MGST1: variants seen among roughly 807,000 people sequenced by gnomAD.
MGST1 encodes microsomal glutathione S-transferase 1, also known as glutathione S-transferase 12.
A neutral mutation model predicts 8.9 loss-of-function variants in MGST1; 5 were observed. That is an observed-to-expected ratio of 0.56 (90% CI 0.29 to 1.19). The LOEUF (loss-of-function observed/expected upper bound fraction) is 1.19. Among genes scored for constraint, MGST1 ranks in the 50% most tolerant of loss-of-function variants. The pLI is 0.08. For synonymous variants in MGST1, 54 were observed against 67.8 expected, an observed-to-expected ratio of 0.80 and a Z score of 1.00; for missense variants, 182 against 187.4, an observed-to-expected ratio of 0.97 and a Z score of 0.17.
chr12:16,406,257 C>G (rs915514994), intron 1 of MGST1, among the ~76,000 whole-genome samples: 1 of 152,022 alleles, frequency 6.6e-6, no homozygotes, highest in East Asian at 1.9e-4. Context: ...ACTAGCATTC[C>G]TATAAACCAA....
chr12:16,354,625 G>T, intron 2 of MGST1: 1 of 275,684 alleles, frequency 3.6e-6, no homozygotes, highest in Non-Finnish European at 6.7e-6. Context: ...CTAAGCAGAT[G>T]AGATATTCTG....
At chr12:16,564,732 G>A (rs1591783544) in intron 4 of MGST1, among the ~76,000 whole-genome samples, 1 of 152,270 alleles carries the variant, frequency 6.6e-6, no homozygotes, top group Middle Eastern at 3.4e-3. Flanking sequence ...TTAATTCTGA[G>A]TAAAGATCAG....
rs905116589 is a variant in MGST1 at position 16,560,094 on chromosome 12, A to C, written n.483-29434A>C. Among the ~76,000 whole-genome samples, 1 of 152,230 alleles carries C rather than the reference A, an allele frequency of 6.6e-6. No homozygotes were observed. Among genetic ancestry groups the C allele is most frequent in the Non-Finnish European group, 1.5e-5 (1 of 68,034 alleles). The stretch of plus-strand genomic sequence containing the variant: ...TATTTACTCACATAAGTAGTATAAA[A>C]AAGTAGATATTTAAAACTACTTTTA... On this transcript the variant is annotated intron_variant and non_coding_transcript_variant, in intron 4 of 4. Coordinates refer to the MGST1 transcript ENST00000538857. This position sits in a 1 kb window ranked among gnomAD's most constrained non-coding sequence, Gnocchi z 5.0.
At position 16,551,244 on chromosome 12, in the gene MGST1, C is replaced by A; in HGVS notation, n.483-38284C>A. The stretch of plus-strand genomic sequence containing the variant: ...AGATCAGCGAACCTGGGGTGCATAA[C>A]CTTCTTTCATTAAACCTTCCTCGTA... On this transcript the variant is annotated intron_variant and non_coding_transcript_variant, in intron 4 of 4. Coordinates refer to the MGST1 transcript ENST00000538857. 2 of 1,611,182 alleles carry A rather than the reference C, an allele frequency of 1.2e-6. No homozygotes were observed. Among genetic ancestry groups the A allele is most frequent in the South Asian group, 2.2e-5 (2 of 90,988 alleles).
At chr12:16,396,640 C>T (rs1313707218) in intron 1 of MGST1, among the ~76,000 whole-genome samples, 1 of 152,044 alleles carries the variant, frequency 6.6e-6, no homozygotes, top group Non-Finnish European at 1.5e-5. Context: ...TACACACCAA[C>T]AGCAACCAAG....
chr12:16,464,444 T>G (rs1941241127), intron 4 of MGST1, among the ~76,000 whole-genome samples: 1 of 152,220 alleles, frequency 6.6e-6, no homozygotes, highest in African/African-American at 2.4e-5. Context: ...TTTCAGATAA[T>G]AATATGATTG....
intron 1 of MGST1, among the ~76,000 whole-genome samples, chr12:16,426,072 A>G (rs1051509751): frequency 6.6e-6 from 1 of 151,496 alleles, no homozygotes; most frequent in Non-Finnish European, 1.5e-5. Flanking sequence ...AACCCTCCAC[A>G]CTCCTAATAG....
intron 1 of MGST1, among the ~76,000 whole-genome samples, chr12:16,390,450 C>A (rs1940541755): frequency 6.6e-6 from 1 of 152,166 alleles, no homozygotes; most frequent in Non-Finnish European, 1.5e-5. Flanking sequence ...CCTCCTGCCA[C>A]CCTCCACCCT....
At chr12:16,518,786 C>T (rs1007736272) in intron 4 of MGST1, among the ~76,000 whole-genome samples, 6 of 152,104 alleles carry the variant, frequency 3.9e-5, no homozygotes, top group Admixed American at 6.6e-5. Context: ...AAGAAAACTA[C>T]GTGGTTTAGG....
intron 4 of MGST1, chr12:16,514,347 G>T: frequency 3.3e-6 from 1 of 302,928 alleles, no homozygotes; most frequent in South Asian, 3.1e-5. Flanking sequence ...CCCTCAATGG[G>T]ACCCGTTTGC....
At chr12:16,414,114 A>G (rs981914340) in intron 1 of MGST1, among the ~76,000 whole-genome samples, 2 of 151,942 alleles carry the variant, frequency 1.3e-5, no homozygotes, top group African/African-American at 4.8e-5. Flanking sequence ...AAGAGAGGTA[A>G]TATTGGTGCT....
At chr12:16,435,740 TAACA>T (rs151109509) in intron 1 of MGST1, among the ~76,000 whole-genome samples, 5,311 of 151,966 alleles carry the variant, frequency 0.035, 247 homozygotes, top group African/African-American at 0.11. Context: ...GATTAATAAG[TAACA>T]AACAACACAG....
intron 1 of MGST1, among the ~76,000 whole-genome samples, chr12:16,396,866 G>A (rs1377479525): frequency 1.3e-5 from 2 of 151,960 alleles, no homozygotes; most frequent in East Asian, 3.9e-4. Context: ...ACTGCCAAAA[G>A]CAGTCTACAA....
intron 3 of MGST1, among the ~76,000 whole-genome samples, chr12:16,359,813 A>C (rs1939903565): frequency 6.6e-6 from 1 of 152,348 alleles, no homozygotes; most frequent in South Asian, 2.1e-4. Flanking sequence ...AGTATTAGTA[A>C]GACTGAAATG....
chr12:16,401,590 G>T lies in MGST1; in HGVS notation n.778+17986G>T. The T allele has an allele frequency of 7.0e-7, 1 of 1,418,584 alleles. No individual in the cohort carries two copies. Among genetic ancestry groups the T allele is most frequent in the Admixed American group, 1.7e-5 (1 of 59,666 alleles). 87.9% of individuals were successfully genotyped at this position (1,418,584 alleles called of 1,614,324 possible). ...AGGTTGGAGCAATAAGACTCGAAGCGAATACCCATGGCACAAGTGATAGCC... is the reference window on the plus strand; with the variant it reads ...AGGTTGGAGCAATAAGACTCGAAGCTAATACCCATGGCACAAGTGATAGCC... On this transcript the variant is annotated intron_variant and non_coding_transcript_variant, in intron 1 of 1. Coordinates refer to the MGST1 transcript ENST00000359720. The surrounding 1 kb of genome is among the most constrained non-coding windows in gnomAD (Gnocchi z 4.3).
At chr12:16,392,909 G>T (rs75731781) in intron 1 of MGST1, among the ~76,000 whole-genome samples, 4,071 of 152,104 alleles carry the variant, frequency 0.027, 180 homozygotes, top group African/African-American at 0.092. Context: ...GAGGGACCTA[G>T]AGAGATAGTA....
chr12:16,489,088 T>C (rs1941419683), intron 4 of MGST1, among the ~76,000 whole-genome samples: 1 of 151,792 alleles, frequency 6.6e-6, no homozygotes. Context: ...CCAGCCTGGG[T>C]GACAGAGCAA....
At chr12:16,405,411 C>G (rs1940691464) in intron 1 of MGST1, among the ~76,000 whole-genome samples, 1 of 151,888 alleles carries the variant, frequency 6.6e-6, no homozygotes, top group African/African-American at 2.4e-5. Context: ...CTCCAAAATT[C>G]AATCAGTAAT....
At position 16,559,767 on chromosome 12, in the gene MGST1, A is replaced by G. The variant is rs1356347178; in HGVS notation, n.483-29761A>G. Among the ~76,000 whole-genome samples the G allele has an allele frequency of 2.6e-5, 4 of 151,322 alleles. No homozygotes were observed. The highest frequency in any genetic ancestry group is 2.6e-4 in the Admixed American group (4 of 15,134). ...GGAGTTTGAGACCAGCCTGGGTAAC[A>G]TAGTGAAACTCCATCATCTCTATAA... is the stretch of plus-strand genomic sequence containing the variant. On this transcript the variant is annotated intron_variant and non_coding_transcript_variant, in intron 4 of 4. Transcript: ENST00000538857. This position sits in a 1 kb window ranked among gnomAD's most constrained non-coding sequence, Gnocchi z 4.1.
Sources: allele counts gnomAD v4.1 joint callset (sites outside exome capture counted in the v4.1 genomes callset), GRCh38; gene constraint gnomAD v4.1.1; non-coding constraint Gnocchi (gnomAD v3.1); transcripts MANE v1.5; gene names NCBI Gene and HGNC (gene_info 2026-07-23, HGNC 2026-07-21).